C10orf67: variants seen among roughly 807,000 people sequenced by gnomAD.
C10orf67 encodes the protein chromosome 10 open reading frame 67.
Under a neutral mutation model 35.6 loss-of-function variants are expected in C10orf67, and 60 were observed. That is an observed-to-expected ratio of 1.68 (90% CI 1.37 to 2.09). The LOEUF is 2.09. Among genes scored for constraint, C10orf67 ranks in the 30% most tolerant of loss-of-function variants. The pLI, the probability that C10orf67 is intolerant of heterozygous loss-of-function variation, is 0.00. For synonymous variants in C10orf67, 167 were observed against 115.8 expected (o/e 1.44, Z -2.84); for missense variants, 474 against 330.2 (o/e 1.44, Z -3.38).
At chr10:23,280,213 T>G (rs774881997) in intron 8 of C10orf67, among the ~76,000 whole-genome samples, 8 of 152,202 alleles carry the variant, frequency 5.3e-5, no homozygotes, top group African/African-American at 1.9e-4. Context: ...CTTTTTGCAC[T>G]CTTAACAAGT....
At chr10:23,316,453 T>C (rs1406784555) in intron 4 of C10orf67, among the ~76,000 whole-genome samples, 1 of 152,234 alleles carries the variant, frequency 6.6e-6, no homozygotes. Context: ...CTCCGTCTTG[T>C]TGCCTGCAGT....
intron 10 of C10orf67, among the ~76,000 whole-genome samples, chr10:23,255,441 C>G (rs950371085): frequency 4.6e-5 from 7 of 152,158 alleles, no homozygotes; most frequent in African/African-American, 1.7e-4. Flanking sequence ...AGGATTTAGG[C>G]TGATCCAGGC....
intron 15 of C10orf67, among the ~76,000 whole-genome samples, chr10:23,213,966 A>G (rs1392879268): frequency 2.0e-5 from 3 of 152,090 alleles, no homozygotes; most frequent in Non-Finnish European, 4.4e-5. Flanking sequence ...GAAAAATGCA[A>G]TATAAAAGAT....
chr10:23,341,395 C>T (rs940241959), intron 1 of C10orf67, among the ~76,000 whole-genome samples: 24 of 152,328 alleles, frequency 1.6e-4, no homozygotes, highest in African/African-American at 5.5e-4. Flanking sequence ...TCTACCTGTT[C>T]ATCACAGTCT....
chr10:23,257,613 G>A (rs1223863236), intron 10 of C10orf67, among the ~76,000 whole-genome samples: 1 of 152,074 alleles, frequency 6.6e-6, no homozygotes, highest in Non-Finnish European at 1.5e-5. Context: ...GAACAGCCTG[G>A]GCAATATGGC....
At chr10:23,227,927 C>G (rs925578408) in intron 13 of C10orf67, among the ~76,000 whole-genome samples, 1 of 151,938 alleles carries the variant, frequency 6.6e-6, no homozygotes, top group Non-Finnish European at 1.5e-5. Flanking sequence ...CACTGCTCAT[C>G]GAAATCAAAG....
At chr10:23,276,669 T>A (rs1223207825) in intron 8 of C10orf67, among the ~76,000 whole-genome samples, 1 of 152,160 alleles carries the variant, frequency 6.6e-6, no homozygotes, top group African/African-American at 2.4e-5. Flanking sequence ...TAGAGGTATG[T>A]ATGCCTGTAC....
chr10:23,341,266 G>T (rs4748864), intron 1 of C10orf67, among the ~76,000 whole-genome samples: 86,321 of 151,962 alleles, frequency 0.57, 25,696 homozygotes, highest in East Asian at 0.86. Context: ...CTACTTAACA[G>T]CCTAAATGGA....
chr10:23,311,441 G>A (rs1844490254), intron 4 of C10orf67, among the ~76,000 whole-genome samples: 1 of 152,198 alleles, frequency 6.6e-6, no homozygotes, highest in African/African-American at 2.4e-5. Context: ...GCCGGGCACG[G>A]TGGCTCATGC....
intron 10 of C10orf67, among the ~76,000 whole-genome samples, chr10:23,255,221 C>T (rs1842568917): frequency 6.6e-6 from 1 of 152,170 alleles, no homozygotes; most frequent in Non-Finnish European, 1.5e-5. Flanking sequence ...TGTGCTGAAA[C>T]AGTAGTCATG....
chr10:23,273,318 G>A lies in C10orf67; in HGVS notation c.976-6064C>T, dbSNP rs538826402. On this transcript the variant is annotated intron_variant, in intron 8 of 15. Coordinates refer to ENST00000636213, the MANE Select transcript of C10orf67 (RefSeq NM_001371909.1). ...ATCAACCATGATAATAGTGTGTTTC[G>A]TAGATATCGCCTATCAGCTTGAGAG... Among the ~76,000 whole-genome samples, 317 of 152,274 alleles carry A rather than the reference G, an allele frequency of 2.1e-3. 1 individual carries two copies. Among genetic ancestry groups the A allele is most frequent in the Non-Finnish European group, 2.8e-3 (189 of 68,026 alleles).
intron 6 of C10orf67, 101 bp downstream of exon 6, chr10:23,291,031 A>G: frequency 3.3e-6 from 2 of 603,028 alleles, no homozygotes; most frequent in South Asian, 2.2e-5. Context: ...TCAAATGTAA[A>G]TAACCAAACG....
At position 23,311,916 on chromosome 10, in the gene C10orf67, A is replaced by G. The variant is rs571394006; in HGVS notation, c.547-8457T>C. ...AAACTAGGGAATAATTACTCTGTGA[A>G]CATTTAGATTGACTAGGACAATACT... is the stretch of plus-strand genomic sequence containing the variant. On this transcript the variant is annotated intron_variant, in intron 4 of 15. Coordinates refer to ENST00000636213, the MANE Select transcript of C10orf67 (RefSeq NM_001371909.1). Among the ~76,000 whole-genome samples the G allele has an allele frequency of 5.3e-5, 8 of 152,312 alleles. No individual in the cohort carries two copies. In the South Asian group the frequency reaches 1.7e-3, roughly 32 times the overall value.
intron 2 of C10orf67, among the ~76,000 whole-genome samples, chr10:23,324,872 G>A (rs951446627): frequency 1.3e-5 from 2 of 152,098 alleles, no homozygotes; most frequent in African/African-American, 4.8e-5. Flanking sequence ...GGAACTTGAC[G>A]CCTGGTGTAC....
intron 8 of C10orf67, among the ~76,000 whole-genome samples, chr10:23,281,088 C>T (rs1162401179): frequency 6.6e-6 from 1 of 152,178 alleles, no homozygotes; most frequent in African/African-American, 2.4e-5. Context: ...TTTGTTAACA[C>T]ATGGTTTTTG....
At chr10:23,289,775 G>A (rs1843659009) in intron 7 of C10orf67, 125 bp downstream of exon 7, 1 of 592,102 alleles carries the variant, frequency 1.7e-6, no homozygotes, top group Admixed American at 3.1e-5. Flanking sequence ...ATAGTGGGGA[G>A]AGATTAAATA....
At position 23,344,711 on chromosome 10, in the gene C10orf67, A is replaced by T; in HGVS notation, c.64T>A (p.Cys22Ser). The T allele has an allele frequency of 5.7e-6, 9 of 1,574,428 alleles. No homozygotes were observed. Among genetic ancestry groups the T allele is most frequent in the Non-Finnish European group, 6.9e-6 (8 of 1,160,294 alleles). Residue 22 changes from cysteine (C) to serine (S), a missense_variant, in exon 1 of 16, where the codon TGC becomes AGC. By Grantham distance (112) the Cys-to-Ser change is moderately radical. Transcript: ENST00000636213. ...VMSIVIRWVH[C>S]FSSSLRGTFG... ...GTCCCCCTCAAGGAGGAGGAAAAGC[A>T]GTGAACCCATCTAATAACTATGCTC...
intron 13 of C10orf67, among the ~76,000 whole-genome samples, chr10:23,230,485 T>C (rs1157711270): frequency 6.6e-6 from 1 of 152,108 alleles, no homozygotes; most frequent in African/African-American, 2.4e-5. Flanking sequence ...TTGAGAACAT[T>C]TATTTATTAC....
chr10:23,297,262 C>T (rs906752586), intron 5 of C10orf67, among the ~76,000 whole-genome samples: 9 of 135,418 alleles, frequency 6.6e-5, no homozygotes, highest in African/African-American at 2.4e-4. Context: ...CTTTCCTTTC[C>T]TTTCCTTTCT....
Sources: gnomAD v4.1 joint callset for allele counts (sites outside exome capture counted in the v4.1 genomes callset) on GRCh38, gnomAD v4.1.1 for gene constraint, MANE v1.5 for transcripts, NCBI Gene and HGNC (gene_info 2026-07-23, HGNC 2026-07-21) for gene names.